SLU7: variants seen among roughly 807,000 people sequenced by gnomAD.
The protein encoded by SLU7 is pre-mRNA-splicing factor SLU7.
Under a neutral mutation model 87.0 loss-of-function variants are expected in SLU7, and 60 were observed. The observed-to-expected ratio is 0.69, with a 90% CI of 0.56 to 0.86. The LOEUF (loss-of-function observed/expected upper bound fraction) is 0.86, where lower values mean the gene tolerates loss of function less well. Ranked by LOEUF, SLU7 falls within the 40% of genes least tolerant of loss-of-function variation. The pLI, the probability that SLU7 is intolerant of heterozygous loss-of-function variation, is 0.00. For synonymous variants in SLU7, 197 were observed against 222.0 expected, an observed-to-expected ratio of 0.89 and a Z score of 1.00; for missense variants, 507 against 686.6, an observed-to-expected ratio of 0.74 and a Z score of 2.92.
chr5:160,403,317 C>G lies in SLU7; in HGVS notation c.1729G>C (p.Asp577His), dbSNP rs540085312. The G allele has an allele frequency of 1.3e-4, 204 of 1,609,762 alleles. 1 individual carries two copies. Among genetic ancestry groups the G allele is most frequent in the Non-Finnish European group, 1.7e-4 (199 of 1,178,120 alleles). Reference protein sequence around the residue: ...EAYRMKRQRPDDPMASFLGQ With the variant: ...EAYRMKRQRPHDPMASFLGQ The stretch of plus-strand genomic sequence containing the variant: ...CCAAGGAAAGAGGCCATGGGGTCAT[C>G]TGGCCTCTGACGTTTCATTCTATAT... The change falls in exon 16 of 16, where the codon GAT becomes CAT. Residue 577 changes from aspartate (D) to histidine (H), a missense_variant. Around this residue, in one of 6 missense-constraint regions of SLU7, gnomAD observed 201 missense variants for 213.4 expected, o/e 0.94. Transcript: ENST00000297151.
chr5:160,403,487 T>C (rs1764874762), intron 15 of SLU7, 23 bp from the exon 16 acceptor site: 1 of 1,564,722 alleles, frequency 6.4e-7, no homozygotes. Flanking sequence ...GAATAAAATG[T>C]GTATCACAGC....
chr5:160,407,655 A>C lies in SLU7; in HGVS notation c.986-40T>G. ...AACATCTTAGTGAGTTGGCAGCTGC[A>C]TTACTGTATGCTTCTTGAAAACAAG... On this transcript the variant is annotated intron_variant, in intron 10 of 15. Transcript: ENST00000297151. This position sits in a 1 kb window ranked among gnomAD's most constrained non-coding sequence, Gnocchi z 4.2. The C allele has an allele frequency of 1.2e-6, 2 of 1,605,128 alleles. No individual in the cohort carries two copies. Among genetic ancestry groups the C allele is most frequent in the South Asian group, 1.1e-5 (1 of 89,024 alleles).
At chr5:160,410,870 C>CTTT (rs67739399) in intron 6 of SLU7, among the ~76,000 whole-genome samples, 5 of 145,704 alleles carry the variant, frequency 3.4e-5, no homozygotes, top group Admixed American at 1.4e-4. Flanking sequence ...GGCAAATTCA[C>CTTT]TTTTTTTTTT....
intron 6 of SLU7, among the ~76,000 whole-genome samples, chr5:160,411,188 C>T (rs990479484): frequency 1.3e-5 from 2 of 151,738 alleles, no homozygotes; most frequent in African/African-American, 4.8e-5. Flanking sequence ...TTTCTAAGAG[C>T]ATGTATGTCT....
intron 1 of SLU7, among the ~76,000 whole-genome samples, chr5:160,417,647 C>T (rs2113178404): frequency 6.6e-6 from 1 of 152,242 alleles, no homozygotes; most frequent in East Asian, 1.9e-4. Flanking sequence ...AAAAAATCAG[C>T]CAGGCGTGGT....
At position 160,408,651 on chromosome 5, in the gene SLU7, A is replaced by G. The variant is rs2961944; in HGVS notation, c.686T>C (p.Met229Thr). The change falls in exon 7 of 16, where the codon ATG becomes ACG. Residue 229 changes from methionine to threonine, a missense_variant and splice_region_variant. Met to Thr is a moderately conservative substitution (Grantham distance 81, BLOSUM62 -1). Around this residue, in one of 6 missense-constraint regions of SLU7, gnomAD observed 155 missense variants for 154.4 expected, o/e 1.00. Coordinates refer to ENST00000297151, the MANE Select transcript of SLU7 (RefSeq NM_006425.5). Reference sequence around the variant, plus strand: ...TCAGAGACAGCAAATATGTATTACCATCTGAGAATTTGGTTCCTCTTCTCC... The same window carrying G: ...TCAGAGACAGCAAATATGTATTACCGTCTGAGAATTTGGTTCCTCTTCTCC... ...QWGEEEPNSQ[M>T]EKDHNSEDED... The G allele has an allele frequency of 0.72, 1,123,843 of 1,551,880 alleles. 410,589 individuals carry two copies. The highest frequency in any genetic ancestry group is 0.76 in the Admixed American group (43,127 of 56,780).
chr5:160,407,338 G>A lies in SLU7; in HGVS notation c.1125+138C>T, dbSNP rs764836457. 2.0e-5 allele frequency: 14 copies of A among 715,712 alleles called. No individual in the cohort carries two copies. The highest frequency in any genetic ancestry group is 3.9e-4 in the Middle Eastern group (1 of 2,546). The allele number at this position is 715,712 out of a possible 1,614,324, so 44.3% of individuals were successfully genotyped here. A position where few individuals can be genotyped will look rare whatever the true frequency, so the allele number is the denominator to read the frequency against. Reference sequence around the variant, plus strand: ...TCATACAAAATTACCATCTGACTAAGAGAAAGGAAGAAAAGGACTATTCTT... The same window carrying A: ...TCATACAAAATTACCATCTGACTAAAAGAAAGGAAGAAAAGGACTATTCTT... On this transcript the variant is annotated intron_variant, in intron 11 of 15. Transcript: ENST00000297151. The surrounding 1 kb of genome is among the most constrained non-coding windows in gnomAD (Gnocchi z 4.2).
chr5:160,410,388 A>G (rs1445546967), intron 6 of SLU7, among the ~76,000 whole-genome samples: 1 of 152,220 alleles, frequency 6.6e-6, no homozygotes, highest in East Asian at 1.9e-4. Context: ...AAGTCTCTAA[A>G]TCTACTGTAT....
chr5:160,416,204 T>A (rs1405953193), intron 1 of SLU7, among the ~76,000 whole-genome samples: 1 of 152,078 alleles, frequency 6.6e-6, no homozygotes, highest in East Asian at 1.9e-4. Flanking sequence ...CTCTTGGTTT[T>A]TCTTGTACCT....
At chr5:160,404,320 G>T in intron 15 of SLU7, 120 bp downstream of exon 15, 1 of 645,400 alleles carries the variant, frequency 1.5e-6, no homozygotes, top group South Asian at 1.9e-5. Context: ...AGCTGCGGTC[G>T]TGCCACTGCA....
chr5:160,408,146 A>C, intron 8 of SLU7, 78 bp from the exon 9 acceptor site: 3 of 1,188,226 alleles, frequency 2.5e-6, no homozygotes, highest in Non-Finnish European at 3.7e-6. Context: ...GAGGAGTTGA[A>C]CATGATCAAT....
chr5:160,406,777 A>G (rs1765034218), intron 11 of SLU7, 148 bp from the exon 12 acceptor site: 1 of 645,640 alleles, frequency 1.5e-6, no homozygotes, highest in African/African-American at 1.9e-5. Context: ...AAAAAGCCAC[A>G]AATTTTTTCT....
chr5:160,413,838 C>G, intron 4 of SLU7, 61 bp downstream of exon 4: 1 of 1,241,852 alleles, frequency 8.1e-7, no homozygotes, highest in Non-Finnish European at 1.1e-6. Flanking sequence ...AGTTAGCTCT[C>G]TGACAAAGAA....
Position 160,406,614 on chromosome 5 carries a change from G to A in SLU7, c.1141C>T (p.His381Tyr), listed in dbSNP as rs1190531342. Residue 381 changes from histidine to tyrosine, a missense_variant, in exon 12 of 16, where the codon CAT (histidine) becomes TAT (tyrosine). Around this residue, in one of 6 missense-constraint regions of SLU7, gnomAD observed 43 missense variants for 58.4 expected, o/e 0.74. Coordinates refer to ENST00000297151, the MANE Select transcript of SLU7 (RefSeq NM_006425.5). ...SILEKYGGQE[H>Y]LDAPPAELLL... is the part of the protein sequence containing the mutation. ...AATTCAGCTGGAGGGGCATCCAAATGTTCTTGGCCACCATACTAAAAGGAC... is the reference window on the plus strand; with the variant it reads ...AATTCAGCTGGAGGGGCATCCAAATATTCTTGGCCACCATACTAAAAGGAC... 1.9e-6 allele frequency: 3 copies of A among 1,606,816 alleles called. No individual in the cohort carries two copies. The highest frequency in any genetic ancestry group is 1.1e-5 in the South Asian group (1 of 90,062).
In SLU7 at chr5:160,408,075, G is replaced by A. The variant is rs768103177; in HGVS notation, c.820-7C>T. On this transcript the variant is annotated splice_region_variant and splice_polypyrimidine_tract_variant and intron_variant, in intron 8 of 15. Coordinates refer to ENST00000297151, the MANE Select transcript of SLU7 (RefSeq NM_006425.5). Reference sequence around the variant, plus strand: ...GATCTAAATTCCTCAAATACTAGAAGAAAAAAATATTTAAAGAATTAATGT... The same window carrying A: ...GATCTAAATTCCTCAAATACTAGAAAAAAAAAATATTTAAAGAATTAATGT... 4 of 1,560,844 alleles carry A rather than the reference G, an allele frequency of 2.6e-6. No individual in the cohort carries two copies. In the South Asian group the frequency reaches 4.5e-5, roughly 18 times the overall value.
Position 160,403,234 on chromosome 5 carries a change from T to A in SLU7, c.*51A>T. ...CTATCTACAATCATCAATAAGAAGCTGAAAAGAATGTATCAGCTGCATCTA... is the reference window on the plus strand; with the variant it reads ...CTATCTACAATCATCAATAAGAAGCAGAAAAGAATGTATCAGCTGCATCTA... On this transcript the variant is annotated 3_prime_UTR_variant, in exon 16 of 16. Transcript: ENST00000297151. The A allele has an allele frequency of 7.4e-7, 1 of 1,345,738 alleles. No homozygotes were observed. The highest frequency in any genetic ancestry group is 2.5e-5 in the Admixed American group (1 of 39,362). The allele number at this position is 1,345,738 out of a possible 1,614,324, so 83.4% of individuals were successfully genotyped here.
intron 12 of SLU7, 118 bp from the exon 13 acceptor site, chr5:160,405,253 T>C (rs1764961679): frequency 1.4e-6 from 1 of 695,590 alleles, no homozygotes; most frequent in Middle Eastern, 2.5e-4. Context: ...AGAAAAATTA[T>C]GGGGATTCAA....
intron 6 of SLU7, among the ~76,000 whole-genome samples, 193 bp downstream of exon 6, chr5:160,412,258 G>T (rs994463970): frequency 6.6e-6 from 1 of 151,996 alleles, no homozygotes; most frequent in African/African-American, 2.4e-5. Context: ...TATAAATAGT[G>T]GCAATATTGT....
rs565047527 is a variant in SLU7 at position 160,401,861 on chromosome 5, C to T, written c.*1424G>A. On this transcript the variant is annotated 3_prime_UTR_variant, in exon 16 of 16. Transcript: ENST00000297151. Reference sequence around the variant, plus strand: ...ATATCCAAAGTACTTGACAATTTGACTCAGTTACTCACACCACTGTTTCTG... The same window carrying T: ...ATATCCAAAGTACTTGACAATTTGATTCAGTTACTCACACCACTGTTTCTG... 44 of 152,328 alleles carry T rather than the reference C, an allele frequency of 2.9e-4. No homozygotes were observed. The highest frequency in any genetic ancestry group is 1.0e-3 in the African/African-American group (42 of 41,564). The allele number at this position is 152,328 out of a possible 1,614,324, so 9.4% of individuals were successfully genotyped here. A position where few individuals can be genotyped will look rare whatever the true frequency, so the allele number is the denominator to read the frequency against.
Sources: allele counts gnomAD v4.1 joint callset (sites outside exome capture counted in the v4.1 genomes callset), GRCh38; gene constraint gnomAD v4.1.1; regional missense constraint gnomAD v4.1.1; non-coding constraint Gnocchi (gnomAD v3.1); transcripts MANE v1.5; gene names NCBI Gene and HGNC (gene_info 2026-07-23, HGNC 2026-07-21).